C10orf67: variants seen among roughly 807,000 people sequenced by gnomAD.
C10orf67 encodes the protein uncharacterized protein C10orf67, mitochondrial.
In C10orf67, 60 loss-of-function variants were observed where a neutral mutation model predicts 35.6. The observed-to-expected ratio is 1.68, with a 90% CI of 1.37 to 2.09. C10orf67 has a LOEUF of 2.09. Ranked by LOEUF, C10orf67 falls within the 30% of genes most tolerant of loss-of-function variation. C10orf67 has a pLI of 0.00. For synonymous variants in C10orf67, 167 were observed against 115.8 expected, an observed-to-expected ratio of 1.44 and a Z score of -2.84; for missense variants, 474 against 330.2, an observed-to-expected ratio of 1.44 and a Z score of -3.38.
chr10:23,332,988 T>A (rs1845541466), intron 2 of C10orf67, 74 bp downstream of exon 2: 1 of 1,418,846 alleles, frequency 7.0e-7, no homozygotes, highest in Non-Finnish European at 9.7e-7. Context: ...ATTTCACTTT[T>A]GTCTATGAAA....
At position 23,264,906 on chromosome 10, in the gene C10orf67, A is replaced by G. The variant is rs568538418; in HGVS notation, c.1200+1356T>C. Among the ~76,000 whole-genome samples the G allele has an allele frequency of 9.2e-5, 14 of 152,352 alleles. No homozygotes were observed. The South Asian group carries it at 2.7e-3, about 29-fold the overall frequency. On this transcript the variant is annotated intron_variant, in intron 10 of 15. Transcript: ENST00000636213. ...CCCAGCCTTGGGCCCCTCACCCAGC[A>G]TGGCTGGTCTCCCCAACCAGGTCAG...
chr10:23,264,718 C>T (rs538358637), intron 10 of C10orf67, among the ~76,000 whole-genome samples: 1 of 152,106 alleles, frequency 6.6e-6, no homozygotes, highest in East Asian at 1.9e-4. Flanking sequence ...CTGTGGGGAC[C>T]GGGGCACCTT....
intron 1 of C10orf67, 141 bp from the exon 2 acceptor site, chr10:23,333,323 G>T: frequency 1.5e-6 from 1 of 684,122 alleles, no homozygotes; most frequent in East Asian, 2.8e-5. Flanking sequence ...CTCTGAATTA[G>T]CTCTTGTGAT....
chr10:23,238,728 C>T (rs1027080841), intron 13 of C10orf67, among the ~76,000 whole-genome samples: 6 of 152,076 alleles, frequency 3.9e-5, no homozygotes, highest in South Asian at 2.1e-4. Context: ...ATGAGAATTA[C>T]TCCAACTAAA....
chr10:23,307,524 G>C (rs1258272289), intron 4 of C10orf67, among the ~76,000 whole-genome samples: 2 of 151,300 alleles, frequency 1.3e-5, no homozygotes, highest in Admixed American at 6.6e-5. Flanking sequence ...GAATTAAAAA[G>C]AGTGAAAAAG....
At chr10:23,294,285 A>G (rs1239389578) in intron 5 of C10orf67, among the ~76,000 whole-genome samples, 1 of 152,144 alleles carries the variant, frequency 6.6e-6, no homozygotes, top group Non-Finnish European at 1.5e-5. Context: ...TGATGGTTGC[A>G]GGGCTCATCA....
chr10:23,204,588 A>G (rs561955481), intron 15 of C10orf67, among the ~76,000 whole-genome samples: 2 of 152,340 alleles, frequency 1.3e-5, no homozygotes, highest in South Asian at 4.1e-4. Flanking sequence ...AAGCCGTTGT[A>G]GCAGAATAAA....
chr10:23,271,524 T>C (rs1453057040), intron 8 of C10orf67, among the ~76,000 whole-genome samples: 1 of 152,240 alleles, frequency 6.6e-6, no homozygotes. Flanking sequence ...GGTTGTATAG[T>C]TTACATTTCC....
intron 5 of C10orf67, among the ~76,000 whole-genome samples, chr10:23,302,784 A>G (rs1044089144): frequency 1.3e-5 from 2 of 152,182 alleles, no homozygotes; most frequent in African/African-American, 4.8e-5. Flanking sequence ...TCCCATCAGT[A>G]GTTTGTCTAA....
intron 10 of C10orf67, among the ~76,000 whole-genome samples, chr10:23,263,351 A>T (rs1389551055): frequency 6.6e-6 from 1 of 152,232 alleles, no homozygotes; most frequent in African/African-American, 2.4e-5. Context: ...TCTAGCCTAT[A>T]ATATTATATA....
intron 2 of C10orf67, among the ~76,000 whole-genome samples, chr10:23,326,903 A>G (rs1175588681): frequency 6.6e-6 from 1 of 152,182 alleles, no homozygotes; most frequent in Non-Finnish European, 1.5e-5. Flanking sequence ...GAGTAAATCT[A>G]AACAAGCATT....
chr10:23,230,439 C>CA (rs560568034), intron 13 of C10orf67, among the ~76,000 whole-genome samples: 75 of 151,578 alleles, frequency 4.9e-4, no homozygotes, highest in African/African-American at 1.8e-3. Context: ...AATGTAAAGA[C>CA]AAAAAGGAAA....
chr10:23,291,672 G>A (rs548834858), intron 5 of C10orf67, among the ~76,000 whole-genome samples: 45 of 152,304 alleles, frequency 3.0e-4, no homozygotes, highest in Non-Finnish European at 5.6e-4. Context: ...GACGGGCAGC[G>A]CCAGGGGGTG....
At chr10:23,309,369 T>C (rs1252803567) in intron 4 of C10orf67, among the ~76,000 whole-genome samples, 1 of 152,068 alleles carries the variant, frequency 6.6e-6, no homozygotes, top group Non-Finnish European at 1.5e-5. Flanking sequence ...ACGAAAATAA[T>C]GGACACTGGG....
chr10:23,280,735 C>G (rs1011098516), intron 8 of C10orf67, among the ~76,000 whole-genome samples: 1 of 152,098 alleles, frequency 6.6e-6, no homozygotes, highest in Non-Finnish European at 1.5e-5. Flanking sequence ...CAATAGCACC[C>G]GTTAAAGGCT....
At chr10:23,219,191 C>G (rs1160134120) in intron 15 of C10orf67, among the ~76,000 whole-genome samples, 4 of 152,146 alleles carry the variant, frequency 2.6e-5, no homozygotes, top group African/African-American at 9.7e-5. Flanking sequence ...CTGGATGATT[C>G]TTCCCTAGAA....
intron 13 of C10orf67, among the ~76,000 whole-genome samples, chr10:23,230,795 A>G (rs902269015): frequency 2.0e-5 from 3 of 152,174 alleles, no homozygotes; most frequent in Admixed American, 2.0e-4. Flanking sequence ...TTATACAATA[A>G]CAGGTTGGCA....
intron 5 of C10orf67, among the ~76,000 whole-genome samples, chr10:23,302,228 G>A (rs1017934106): frequency 3.3e-5 from 5 of 150,904 alleles, no homozygotes; most frequent in Non-Finnish European, 7.4e-5. Flanking sequence ...AATATATTAT[G>A]ATAACATAAT....
chr10:23,225,667 G>A lies in C10orf67; in HGVS notation c.1435-1849C>T, dbSNP rs563871474. On this transcript the variant is annotated intron_variant, in intron 13 of 15. Coordinates refer to ENST00000636213, the MANE Select transcript of C10orf67 (RefSeq NM_001371909.1). ...ACACATAGGCTCAAAATAAAGGGAC[G>A]GAGGAAGATCTACCAAGCAAATGGA... Among the ~76,000 whole-genome samples, 13 of 152,206 alleles carry A rather than the reference G, an allele frequency of 8.5e-5. No homozygotes were observed. The East Asian group carries it at 1.2e-3, about 14-fold the overall frequency.
Sources: allele counts gnomAD v4.1 joint callset (sites outside exome capture counted in the v4.1 genomes callset), GRCh38; gene constraint gnomAD v4.1.1; transcripts MANE v1.5; gene names NCBI Gene and HGNC (gene_info 2026-07-23, HGNC 2026-07-21).